RNF217: variants seen among roughly 807,000 people sequenced by gnomAD.
The protein encoded by RNF217 is ring finger protein 217.
Under a neutral mutation model 57.8 loss-of-function variants are expected in RNF217, and 31 were observed. The ratio of observed to expected loss-of-function variants is 0.54; its 90% CI spans 0.40 to 0.72. The LOEUF is 0.72. Ranked by LOEUF, RNF217 falls within the 30% of genes least tolerant of loss-of-function variation. RNF217 has a pLI of 0.00. For synonymous variants in RNF217, 313 were observed against 294.0 expected, an observed-to-expected ratio of 1.06 and a Z score of -0.66; for missense variants, 696 against 708.3, an observed-to-expected ratio of 0.98 and a Z score of 0.20.
chr6:124,994,097 A>G (rs1784660163), intron 1 of RNF217, among the ~76,000 whole-genome samples: 1 of 152,196 alleles, frequency 6.6e-6, no homozygotes, highest in African/African-American at 2.4e-5. Context: ...CAAGTTTAGA[A>G]GAAAATGGAA....
chr6:124,996,823 T>C (rs1784771210), intron 1 of RNF217, among the ~76,000 whole-genome samples: 1 of 152,276 alleles, frequency 6.6e-6, no homozygotes, highest in Admixed American at 6.5e-5. Flanking sequence ...TGTATATCTT[T>C]ATATTACTTA....
chr6:125,083,103 A>G lies in RNF217; in HGVS notation c.*166A>G, dbSNP rs1233805197. 3.8e-6 allele frequency: 2 copies of G among 522,594 alleles called. No homozygotes were observed. Among genetic ancestry groups the G allele is most frequent in the Non-Finnish European group, 6.7e-6 (2 of 300,122 alleles). 32.4% of individuals were successfully genotyped at this position (522,594 alleles called of 1,614,324 possible). On this transcript the variant is annotated 3_prime_UTR_variant, in exon 6 of 6. Transcript: ENST00000521654. ...ATGCCTCTAGCTATGGTGCACTCCC[A>G]ACATGGTATCCTGTCCTTTCCCTAA...
At chr6:125,033,558 T>C (rs1355759207) in intron 1 of RNF217, among the ~76,000 whole-genome samples, 4 of 149,382 alleles carry the variant, frequency 2.7e-5, no homozygotes, top group Admixed American at 6.7e-5. Flanking sequence ...TATTCCATGG[T>C]GTATATGTGC....
At chr6:125,065,761 G>A (rs900172974) in intron 3 of RNF217, among the ~76,000 whole-genome samples, 1 of 152,092 alleles carries the variant, frequency 6.6e-6, no homozygotes, top group South Asian at 2.1e-4. Context: ...TTTAAGAGTT[G>A]CTTTCTCTTT....
chr6:124,989,993 A>G (rs1784500771), intron 1 of RNF217, among the ~76,000 whole-genome samples: 1 of 151,804 alleles, frequency 6.6e-6, no homozygotes, highest in Admixed American at 6.6e-5. Flanking sequence ...CTCCACTCCC[A>G]TCTCTTATTT....
chr6:124,967,328 T>C (rs994859198), intron 1 of RNF217, among the ~76,000 whole-genome samples: 4 of 152,252 alleles, frequency 2.6e-5, no homozygotes, highest in African/African-American at 9.6e-5. Flanking sequence ...ATCTGTTGCC[T>C]TCTTTGTTTC....
chr6:125,081,576 G>A (rs993485590), intron 5 of RNF217, 69 bp downstream of exon 5: 1 of 1,204,056 alleles, frequency 8.3e-7, no homozygotes, highest in Admixed American at 2.0e-5. Flanking sequence ...GAGTGTAAAT[G>A]TAATAATATG....
In RNF217 at chr6:125,086,237, C is replaced by T. The variant is rs750628959; in HGVS notation, c.*3300C>T. ...GGAGTGCATAATTTTTAAAGAAAAT[C>T]GTCTTTTGAAGGGTAATTTCCTTTC... On this transcript the variant is annotated 3_prime_UTR_variant, in exon 6 of 6. Transcript: ENST00000521654. The T allele has an allele frequency of 6.6e-6, 1 of 151,812 alleles. No homozygotes were observed. The highest frequency in any genetic ancestry group is 2.4e-5 in the African/African-American group (1 of 41,354). 9.4% of individuals were successfully genotyped at this position (151,812 alleles called of 1,614,324 possible).
chr6:125,076,607 TA>T, intron 3 of RNF217, 49 bp from the exon 4 acceptor site: 3 of 1,440,466 alleles, frequency 2.1e-6, no homozygotes, highest in Middle Eastern at 3.5e-4. Context: ...TTTTGCTTTT[TA>T]AAAACTCAGC....
At position 125,083,233 on chromosome 6, in the gene RNF217, A is replaced by G. The variant is rs945664510; in HGVS notation, c.*296A>G. ...CTTGGAAGAAGATATTTTAAGAACCAGTTATCCTAAGAATTCTGAGCACGC... is the reference window on the plus strand; with the variant it reads ...CTTGGAAGAAGATATTTTAAGAACCGGTTATCCTAAGAATTCTGAGCACGC... On this transcript the variant is annotated 3_prime_UTR_variant, in exon 6 of 6. Coordinates refer to ENST00000521654, the MANE Select transcript of RNF217 (RefSeq NM_001286398.3). 4.4e-6 allele frequency: 1 copy of G among 225,572 alleles called. No homozygotes were observed. The highest frequency in any genetic ancestry group is 8.5e-6 in the Non-Finnish European group (1 of 117,114). The allele number at this position is 225,572 out of a possible 1,614,324, so 14.0% of individuals were successfully genotyped here.
chr6:125,018,170 T>G (rs1334993150), intron 1 of RNF217, among the ~76,000 whole-genome samples: 1 of 152,194 alleles, frequency 6.6e-6, no homozygotes, highest in Non-Finnish European at 1.5e-5. Context: ...TTAGAGGTAG[T>G]GTAGAATCAT....
At chr6:124,965,296 G>A (rs954601193) in intron 1 of RNF217, among the ~76,000 whole-genome samples, 19 of 152,114 alleles carry the variant, frequency 1.2e-4, no homozygotes, top group African/African-American at 1.7e-4. Context: ...ATTATTGGCC[G>A]GGTGCGGTGG....
intron 1 of RNF217, among the ~76,000 whole-genome samples, chr6:125,007,249 A>AT (rs35223447): frequency 0.51 from 73,299 of 142,502 alleles, 21,190 homozygotes; most frequent in East Asian, 0.73. Flanking sequence ...CACTTTGAGC[A>AT]TTTTTTTTTT....
In RNF217 at chr6:124,986,270, T is replaced by C. The variant is rs191843854; in HGVS notation, c.882+22844T>C. Among the ~76,000 whole-genome samples, 464 of 152,340 alleles carry C rather than the reference T, an allele frequency of 3.0e-3. 2 individuals carry two copies. Among genetic ancestry groups the C allele is most frequent in the African/African-American group, 0.01 (422 of 41,580 alleles). On this transcript the variant is annotated intron_variant, in intron 1 of 5. Transcript: ENST00000521654. ...TATTTCTATAAATGCCTTACCTTCT[T>C]TTGTGACCTTGTTTTTTGGTGATTG...
chr6:125,069,003 G>A (rs1411244625), intron 3 of RNF217, among the ~76,000 whole-genome samples: 1 of 152,118 alleles, frequency 6.6e-6, no homozygotes, highest in East Asian at 1.9e-4. Context: ...AGAACATGGG[G>A]CAGTGGGATC....
chr6:125,011,401 A>G (rs994819848), intron 1 of RNF217, among the ~76,000 whole-genome samples: 1 of 152,196 alleles, frequency 6.6e-6, no homozygotes, highest in Non-Finnish European at 1.5e-5. Context: ...CTGAAGGCTC[A>G]GCGAGGATAG....
chr6:125,044,328 G>A (rs550965881), intron 1 of RNF217, among the ~76,000 whole-genome samples: 2 of 152,122 alleles, frequency 1.3e-5, no homozygotes, highest in African/African-American at 2.4e-5. Context: ...CACTACTTAC[G>A]AAAAATACTC....
intron 1 of RNF217, among the ~76,000 whole-genome samples, chr6:125,028,843 A>T (rs1786226184): frequency 6.6e-6 from 1 of 151,762 alleles, no homozygotes; most frequent in Non-Finnish European, 1.5e-5. Context: ...TTTACTGCTT[A>T]TGTAAGTCTT....
chr6:125,047,709 T>A (rs995362354), intron 2 of RNF217, among the ~76,000 whole-genome samples: 2 of 151,496 alleles, frequency 1.3e-5, no homozygotes, highest in African/African-American at 4.8e-5. Context: ...CATCTTAAAT[T>A]TATTAAACTC....
Sources: allele counts gnomAD v4.1 joint callset (sites outside exome capture counted in the v4.1 genomes callset), GRCh38; gene constraint gnomAD v4.1.1; transcripts MANE v1.5; gene names NCBI Gene and HGNC (gene_info 2026-07-23, HGNC 2026-07-21).